Variants in NCOA2 observed in about 807,000 individuals in gnomAD.
NCOA2 encodes class E basic helix-loop-helix protein 75.
A neutral mutation model predicts 145.1 loss-of-function variants in NCOA2; 21 were observed. The ratio of observed to expected loss-of-function variants is 0.14; its 90% CI spans 0.10 to 0.21. The LOEUF (loss-of-function observed/expected upper bound fraction) is 0.21, where lower values mean the gene tolerates loss of function less well. Ranked by LOEUF, NCOA2 falls within the 10% of genes least tolerant of loss-of-function variation. The pLI, the probability that NCOA2 is intolerant of heterozygous loss-of-function variation, is 1.00. For synonymous variants in NCOA2, 619 were observed against 637.5 expected, an observed-to-expected ratio of 0.97 and a Z score of 0.44; for missense variants, 1,472 against 1,837.6, an observed-to-expected ratio of 0.80 and a Z score of 3.64.
intron 1 of NCOA2, among the ~76,000 whole-genome samples, chr8:70,332,856 C>G (rs993839173): frequency 1.3e-5 from 2 of 152,114 alleles, no homozygotes; most frequent in African/African-American, 4.8e-5. Context: ...AAGAATAAAG[C>G]ACTGAAGTCA....
intron 4 of NCOA2, among the ~76,000 whole-genome samples, chr8:70,190,609 T>C (rs1816571577): frequency 6.6e-6 from 1 of 152,194 alleles, no homozygotes. Flanking sequence ...TCCAGAACTT[T>C]GGGAGGCTGA....
the NCOA2 span, among the ~76,000 whole-genome samples, chr8:70,422,926 G>A: frequency 6.6e-6 from 1 of 151,956 alleles, no homozygotes; most frequent in African/African-American, 2.4e-5. Context: ...TTCCCAGGCT[G>A]GCCTCTAACT....
At chr8:70,219,690 AG>A (rs917513880) in intron 2 of NCOA2, among the ~76,000 whole-genome samples, 15 of 151,742 alleles carry the variant, frequency 9.9e-5, no homozygotes, top group South Asian at 8.3e-4. Flanking sequence ...AGGAGGGTGG[AG>A]GGGGGGCAGA....
At chr8:70,132,341 AAATATT>A (rs1398122735) in intron 15 of NCOA2, among the ~76,000 whole-genome samples, 47 of 152,164 alleles carry the variant, frequency 3.1e-4, no homozygotes, top group Non-Finnish European at 5.3e-4. Flanking sequence ...TCAAGCATGT[AAATATT>A]TACTTGGCAT....
chr8:70,259,430 A>G (rs77385545), intron 2 of NCOA2, among the ~76,000 whole-genome samples: 4,905 of 152,256 alleles, frequency 0.032, 257 homozygotes, highest in African/African-American at 0.11. Flanking sequence ...CGTATTCCCT[A>G]CAGGACTTAT....
chr8:70,381,125 A>G (rs1405336989), intron 1 of NCOA2, among the ~76,000 whole-genome samples: 1 of 151,914 alleles, frequency 6.6e-6, no homozygotes, highest in Non-Finnish European at 1.5e-5. Context: ...GACTTGCCTC[A>G]AAACAGATGG....
intron 1 of NCOA2, among the ~76,000 whole-genome samples, chr8:70,315,903 G>C (rs756068710): frequency 6.6e-6 from 1 of 152,192 alleles, no homozygotes; most frequent in Non-Finnish European, 1.5e-5. Flanking sequence ...GGACTGAATT[G>C]AGCCCTAATC....
chr8:70,362,431 T>C (rs1013896751), intron 1 of NCOA2, among the ~76,000 whole-genome samples: 3 of 152,196 alleles, frequency 2.0e-5, no homozygotes, highest in Non-Finnish European at 4.4e-5. Flanking sequence ...AAAAGACTTC[T>C]GATCAGCAAA....
At chr8:70,170,000 A>C (rs765491154) in intron 6 of NCOA2, among the ~76,000 whole-genome samples, 1 of 152,164 alleles carries the variant, frequency 6.6e-6, no homozygotes, top group African/African-American at 2.4e-5. Context: ...CACTCATTTG[A>C]GATCAGTATC....
intron 4 of NCOA2, among the ~76,000 whole-genome samples, chr8:70,182,347 A>G (rs1418437253): frequency 2.0e-5 from 3 of 152,164 alleles, no homozygotes; most frequent in East Asian, 1.9e-4. Context: ...ACCCAGCAAA[A>G]CCCTCTTACT....
intron 19 of NCOA2, 71 bp from the exon 20 acceptor site, chr8:70,124,936 A>G (rs1808253272): frequency 1.2e-5 from 16 of 1,370,136 alleles, no homozygotes; most frequent in East Asian, 7.1e-5. Context: ...GGTGGGGGGG[A>G]AAGAACATTC....
chr8:70,164,419 T>C (rs1207010765), intron 7 of NCOA2, among the ~76,000 whole-genome samples: 3 of 152,204 alleles, frequency 2.0e-5, no homozygotes, highest in Non-Finnish European at 2.9e-5. Context: ...TTCTGATTGT[T>C]TACCTCTAAA....
At chr8:70,252,940 T>C (rs1823327664) in intron 2 of NCOA2, among the ~76,000 whole-genome samples, 1 of 152,254 alleles carries the variant, frequency 6.6e-6, no homozygotes, top group African/African-American at 2.4e-5. Context: ...CAAGACTGCA[T>C]CTCTCACAGC....
At chr8:70,163,809 C>A (rs1410347950) in intron 7 of NCOA2, among the ~76,000 whole-genome samples, 1 of 151,980 alleles carries the variant, frequency 6.6e-6, no homozygotes, top group African/African-American at 2.4e-5. Context: ...GCCAAGTCCC[C>A]GCGATACATG....
intron 22 of NCOA2, among the ~76,000 whole-genome samples, chr8:70,114,762 C>A (rs775702573): frequency 1.2e-4 from 18 of 152,146 alleles, no homozygotes; most frequent in Non-Finnish European, 2.5e-4. Flanking sequence ...CCCATCAGGG[C>A]CATTAGAAAT....
At chr8:70,425,202 C>A in the NCOA2 span, among the ~76,000 whole-genome samples, 1 of 152,194 alleles carries the variant, frequency 6.6e-6, no homozygotes, top group Non-Finnish European at 1.5e-5. Context: ...CTTGTTATTT[C>A]CATCTCCATT....
the NCOA2 span, among the ~76,000 whole-genome samples, chr8:70,422,943 C>T: frequency 6.6e-6 from 1 of 152,110 alleles, no homozygotes; most frequent in African/African-American, 2.4e-5. Context: ...AACTCCTAGG[C>T]TCAGCCTCCT....
At chr8:70,130,130 C>T (rs956599764) in intron 16 of NCOA2, among the ~76,000 whole-genome samples, 1 of 152,210 alleles carries the variant, frequency 6.6e-6, no homozygotes, top group African/African-American at 2.4e-5. Context: ...ATTCTAAACA[C>T]AGGGATGGAG....
chr8:70,449,622 A>G, the NCOA2 span, among the ~76,000 whole-genome samples: 12 of 152,124 alleles, frequency 7.9e-5, no homozygotes, highest in Non-Finnish European at 1.3e-4. Flanking sequence ...CCCTCCTCCA[A>G]TCTCTACCCA....
Sources: gnomAD v4.1 joint callset for allele counts (sites outside exome capture counted in the v4.1 genomes callset) on GRCh38, gnomAD v4.1.1 for gene constraint, MANE v1.5 for transcripts, NCBI Gene and HGNC (gene_info 2026-07-23, HGNC 2026-07-21) for gene names.